Variants in CHSY3 observed in about 807,000 individuals in gnomAD.
CHSY3 encodes the protein N-acetylgalactosaminyl-proteoglycan 3-beta-glucuronosyltransferase 3.
CHSY3 carries 35 observed loss-of-function variants against 67.2 expected under a neutral mutation model. That is an observed-to-expected ratio of 0.52 (90% CI 0.40 to 0.69). The LOEUF is 0.69. CHSY3 is among the 30% of genes least tolerant of loss of function. CHSY3 has a pLI of 0.00. For missense variants in CHSY3, 1,069 were observed against 1,138.5 expected, an observed-to-expected ratio of 0.94 and a Z score of 0.88; for synonymous variants, 474 against 434.7, an observed-to-expected ratio of 1.09 and a Z score of -1.12.
At chr5:130,005,353 T>C (rs1021648698) in intron 2 of CHSY3, among the ~76,000 whole-genome samples, 1 of 151,862 alleles carries the variant, frequency 6.6e-6, no homozygotes, top group Non-Finnish European at 1.5e-5. Context: ...AGGCAGAGGT[T>C]GCAGTGAGCC....
At chr5:130,096,993 T>G (rs766062503) in intron 2 of CHSY3, among the ~76,000 whole-genome samples, 35 of 152,398 alleles carry the variant, frequency 2.3e-4, no homozygotes, top group Non-Finnish European at 4.0e-4. Flanking sequence ...ATTTTAGTAT[T>G]TGGTGTGCTG....
At chr5:130,098,905 A>C (rs755319183) in intron 2 of CHSY3, among the ~76,000 whole-genome samples, 1 of 152,168 alleles carries the variant, frequency 6.6e-6, no homozygotes, top group Non-Finnish European at 1.5e-5. Context: ...AGTGTTTTCT[A>C]ATTTTTTTAA....
intron 2 of CHSY3, among the ~76,000 whole-genome samples, chr5:130,035,985 A>G (rs955952897): frequency 2.7e-5 from 4 of 148,578 alleles, no homozygotes; most frequent in Non-Finnish European, 5.9e-5. Flanking sequence ...TATTAAAAAG[A>G]TGTACATTCT....
chr5:129,931,288 G>A (rs116775630), intron 2 of CHSY3, among the ~76,000 whole-genome samples: 1,785 of 152,170 alleles, frequency 0.012, 33 homozygotes, highest in African/African-American at 0.04. Context: ...ATTTCTTCCA[G>A]CGTAGCTCTA....
intron 1 of CHSY3, among the ~76,000 whole-genome samples, chr5:129,907,354 CA>C (rs1162169448): frequency 6.6e-6 from 1 of 152,140 alleles, no homozygotes; most frequent in Admixed American, 6.5e-5. Context: ...CTGTGCTCAT[CA>C]AAAATGGTAG....
chr5:130,144,539 T>G (rs1273138700), intron 2 of CHSY3, among the ~76,000 whole-genome samples: 1 of 152,106 alleles, frequency 6.6e-6, no homozygotes, highest in Non-Finnish European at 1.5e-5. Context: ...CCCATGTTCA[T>G]AGGTTGGAAG....
At chr5:129,914,914 C>T (rs1458602960) in intron 2 of CHSY3, among the ~76,000 whole-genome samples, 1 of 152,162 alleles carries the variant, frequency 6.6e-6, no homozygotes, top group Non-Finnish European at 1.5e-5. Context: ...CAAAAATACT[C>T]ATATTAATTT....
intron 2 of CHSY3, among the ~76,000 whole-genome samples, chr5:129,917,020 G>A (rs1482086833): frequency 1.3e-5 from 2 of 152,086 alleles, no homozygotes; most frequent in Non-Finnish European, 2.9e-5. Flanking sequence ...ATCCCTTGAA[G>A]AGGAGAAAAA....
chr5:130,036,012 C>T (rs1764853292), intron 2 of CHSY3, among the ~76,000 whole-genome samples: 1 of 150,648 alleles, frequency 6.6e-6, no homozygotes, highest in Admixed American at 6.6e-5. Flanking sequence ...GTGGCAAGGC[C>T]CTTTGTTCAA....
At position 129,908,105 on chromosome 5, in the gene CHSY3, G is replaced by A. The variant is rs754943142; in HGVS notation, c.831G>A (p.Ser277=). 6.4e-5 allele frequency: 104 copies of A among 1,613,454 alleles called. No individual in the cohort carries two copies. Among genetic ancestry groups the A allele is most frequent in the Non-Finnish European group, 8.6e-5 (101 of 1,179,852 alleles). ...ATAAATTAGAAGAGTTTCTTAGATC[G>A]CTAAACAGCAGTAAGCCTCTCTACC... ...KGDKLEEFLR[S]LNSSKPLYLG... Residue 277 remains serine (S), a synonymous_variant, in exon 2 of 3, where the codon TCG becomes TCA. Transcript: ENST00000305031.
At chr5:129,928,009 T>C (rs1287017302) in intron 2 of CHSY3, among the ~76,000 whole-genome samples, 1 of 152,066 alleles carries the variant, frequency 6.6e-6, no homozygotes, top group Non-Finnish European at 1.5e-5. Context: ...TAATCATAAA[T>C]TTTAGAATAG....
intron 2 of CHSY3, among the ~76,000 whole-genome samples, chr5:130,161,559 A>G (rs1028690839): frequency 9.9e-5 from 15 of 152,224 alleles, no homozygotes; most frequent in Admixed American, 3.9e-4. Context: ...TTAAGGAATT[A>G]TATTCTCATT....
intron 2 of CHSY3, among the ~76,000 whole-genome samples, chr5:129,946,861 G>T (rs969025664): frequency 6.6e-6 from 1 of 151,948 alleles, no homozygotes; most frequent in African/African-American, 2.4e-5. Flanking sequence ...TATATATCTT[G>T]CCTATTGTGA....
At chr5:129,986,624 G>A (rs768313527) in intron 2 of CHSY3, among the ~76,000 whole-genome samples, 1 of 151,930 alleles carries the variant, frequency 6.6e-6, no homozygotes, top group Non-Finnish European at 1.5e-5. Flanking sequence ...ATCAGAAAAG[G>A]TTTCTTTCCT....
intron 2 of CHSY3, among the ~76,000 whole-genome samples, chr5:130,080,055 C>CACACAA (rs1766398057): frequency 6.6e-6 from 1 of 151,622 alleles, no homozygotes; most frequent in South Asian, 2.1e-4. Flanking sequence ...CACACACACA[C>CACACAA]ACACACACAC....
At chr5:130,023,248 G>A (rs1449158972) in intron 2 of CHSY3, among the ~76,000 whole-genome samples, 1 of 151,906 alleles carries the variant, frequency 6.6e-6, no homozygotes, top group African/African-American at 2.4e-5. Context: ...AAAAAAAGAG[G>A]TTATAGTTGC....
At chr5:130,158,088 A>G (rs1050034889) in intron 2 of CHSY3, among the ~76,000 whole-genome samples, 3 of 152,214 alleles carry the variant, frequency 2.0e-5, no homozygotes, top group Non-Finnish European at 4.4e-5. Context: ...GGTTTCGTCC[A>G]GCTTCTCTAC....
At chr5:130,102,519 A>G (rs1767279326) in intron 2 of CHSY3, among the ~76,000 whole-genome samples, 1 of 151,896 alleles carries the variant, frequency 6.6e-6, no homozygotes, top group African/African-American at 2.4e-5. Flanking sequence ...GAGCAATAAT[A>G]TTTCTGGTCG....
At chr5:130,046,514 T>G (rs953804951) in intron 2 of CHSY3, among the ~76,000 whole-genome samples, 2 of 152,086 alleles carry the variant, frequency 1.3e-5, no homozygotes, top group African/African-American at 2.4e-5. Context: ...AACAGCTACT[T>G]TGTGGGAAGC....
Sources: allele counts gnomAD v4.1 joint callset (sites outside exome capture counted in the v4.1 genomes callset), GRCh38; gene constraint gnomAD v4.1.1; transcripts MANE v1.5; gene names NCBI Gene and HGNC (gene_info 2026-07-23, HGNC 2026-07-21).